Variants in CA3 observed in about 807,000 individuals in gnomAD.
The protein encoded by CA3 is carbonic anhydrase 3.
Under a neutral mutation model 35.7 loss-of-function variants are expected in CA3, and 30 were observed. The observed-to-expected ratio is 0.84, with a 90% CI of 0.63 to 1.14. CA3 has a LOEUF of 1.14. Among genes scored for constraint, CA3 ranks in the 50% most tolerant of loss-of-function variants. The pLI, the probability that CA3 is intolerant of heterozygous loss-of-function variation, is 0.00. For synonymous variants in CA3, 131 were observed against 130.8 expected (o/e 1.00, Z -0.01); for missense variants, 295 against 328.5 (o/e 0.90, Z 0.79).
rs760392025 is a variant in CA3, at chr8:85,439,893, T to C, written c.216T>C (p.Asp72=). ...AGACCTGCCGAGTTGTATTTGATGATACTTATGATAGGTCAAGTAAGTATG... is the reference window on the plus strand; with the variant it reads ...AGACCTGCCGAGTTGTATTTGATGACACTTATGATAGGTCAAGTAAGTATG... The part of the protein sequence containing the change: ...NGKTCRVVFD[D]TYDRSMLRGG... Residue 72 remains aspartate, a synonymous_variant, in exon 2 of 7, where the codon GAT becomes GAC. Transcript: ENST00000285381. 36 of 1,612,196 alleles carry C rather than the reference T, an allele frequency of 2.2e-5. No individual in the cohort carries two copies. The highest frequency in any genetic ancestry group is 1.0e-4 in the Admixed American group (6 of 60,014).
In CA3 at chr8:85,441,995, T is replaced by C. The variant is rs973270321; in HGVS notation, c.233-78T>C. ...CACATTTTGTCCATTAAGCCTTGGC[T>C]CTAAGAGCACTTGGTTAAAGTAGAG... On this transcript the variant is annotated intron_variant, in intron 2 of 6. Transcript: ENST00000285381. 6.1e-6 allele frequency: 5 copies of C among 825,610 alleles called. No individual in the cohort carries two copies. In the African/African-American group the frequency reaches 6.7e-5, roughly 11 times the overall value. 51.1% of individuals were successfully genotyped at this position (825,610 alleles called of 1,614,324 possible). A position where few individuals can be genotyped will look rare whatever the true frequency, so the allele number is the denominator to read the frequency against.
In CA3 at chr8:85,448,554, A is replaced by C. The variant is rs1329069422; in HGVS notation, c.*401A>C. 1.3e-5 allele frequency: 2 copies of C among 155,080 alleles called. No individual in the cohort carries two copies. The highest frequency in any genetic ancestry group is 2.9e-5 in the Non-Finnish European group (2 of 69,960). The allele number at this position is 155,080 out of a possible 1,614,324, so 9.6% of individuals were successfully genotyped here. A position where few individuals can be genotyped will look rare whatever the true frequency, so the allele number is the denominator to read the frequency against. On this transcript the variant is annotated 3_prime_UTR_variant, in exon 7 of 7. Transcript: ENST00000285381. The stretch of plus-strand genomic sequence containing the variant: ...ATATTATGAGTTGTCCATCTTAAAG[A>C]AATATGAGTAATTCTACATGTAGTA...
rs1353776316 is a variant in CA3 at position 85,448,933 on chromosome 8, C to T, written c.*780C>T. 1.3e-5 allele frequency: 2 copies of T among 152,146 alleles called. No homozygotes were observed. Among genetic ancestry groups the T allele is most frequent in the East Asian group, 3.8e-4 (2 of 5,198 alleles). 9.4% of individuals were successfully genotyped at this position (152,146 alleles called of 1,614,324 possible). A position where few individuals can be genotyped will look rare whatever the true frequency, so the allele number is the denominator to read the frequency against. ...AAAACTGCCTCTGTTGTGTTTCTCACTGGAGGCTGGAATGAATGATCACTA... is the reference window on the plus strand; with the variant it reads ...AAAACTGCCTCTGTTGTGTTTCTCATTGGAGGCTGGAATGAATGATCACTA... On this transcript the variant is annotated 3_prime_UTR_variant, in exon 7 of 7. Coordinates refer to ENST00000285381, the MANE Select transcript of CA3 (RefSeq NM_005181.4).
At chr8:85,443,933 G>T in intron 3 of CA3, 101 bp from the exon 4 acceptor site, 1 of 830,954 alleles carries the variant, frequency 1.2e-6, no homozygotes, top group Non-Finnish European at 2.0e-6. Flanking sequence ...AGAGTGCTCA[G>T]CAACCTTAGC....
Position 85,442,196 on chromosome 8 carries a change from G to A in CA3, c.351+5G>A, listed in dbSNP as rs186342277. ...GGAGTCAAGTATGCAGCGGAGGTAA[G>A]AGGAACTGCCATAATCCATTCTCGG... On this transcript the variant is annotated splice_donor_5th_base_variant and intron_variant, in intron 3 of 6. Transcript: ENST00000285381. The A allele has an allele frequency of 1.3e-4, 189 of 1,416,750 alleles. No homozygotes were observed. The highest frequency in any genetic ancestry group is 1.2e-3 in the African/African-American group (83 of 71,326). The allele number at this position is 1,416,750 out of a possible 1,614,324, so 87.8% of individuals were successfully genotyped here. A position where few individuals can be genotyped will look rare whatever the true frequency, so the allele number is the denominator to read the frequency against.
At chr8:85,447,253 G>A (rs953488431) in intron 6 of CA3, among the ~76,000 whole-genome samples, 4 of 151,910 alleles carry the variant, frequency 2.6e-5, no homozygotes, top group African/African-American at 9.7e-5. Context: ...AGAAAGAAAA[G>A]TCAATTTAAA....
At position 85,439,876 on chromosome 8, in the gene CA3, C is replaced by T. The variant is rs746057618; in HGVS notation, c.199C>T (p.Arg67Ter). 3 of 1,613,156 alleles carry T rather than the reference C, an allele frequency of 1.9e-6. No homozygotes were observed. Among genetic ancestry groups the T allele is most frequent in the Non-Finnish European group, 2.5e-6 (3 of 1,179,898 alleles). ...KTILNNGKTC[R>*]VVFDDTYDRS... is the part of the protein sequence containing the mutation. ...CATCCTGAATAATGGGAAGACCTGCCGAGTTGTATTTGATGATACTTATGA... is the reference window on the plus strand; with the variant it reads ...CATCCTGAATAATGGGAAGACCTGCTGAGTTGTATTTGATGATACTTATGA... Residue 67 changes from arginine (R) to a stop codon, truncating the protein, a stop_gained, in exon 2 of 7, where the codon CGA (arginine) becomes TGA (stop). Transcript: ENST00000285381. LOFTEE classifies it high-confidence loss of function.
At chr8:85,445,632 G>A (rs1365875216) in intron 5 of CA3, among the ~76,000 whole-genome samples, 3 of 152,042 alleles carry the variant, frequency 2.0e-5, no homozygotes, top group Admixed American at 6.5e-5. Context: ...TTTCTGGGAA[G>A]CACTTAAAAA....
intron 2 of CA3, among the ~76,000 whole-genome samples, chr8:85,441,401 C>T (rs935826623): frequency 6.6e-6 from 1 of 152,134 alleles, no homozygotes; most frequent in Non-Finnish European, 1.5e-5. Flanking sequence ...CTGAATTTTC[C>T]ATTTCATCTC....
chr8:85,443,684 C>T (rs1412627072), intron 3 of CA3, among the ~76,000 whole-genome samples: 1 of 152,186 alleles, frequency 6.6e-6, no homozygotes, highest in East Asian at 1.9e-4. Context: ...TTGAATAAAA[C>T]ATTTTTTAAC....
At chr8:85,439,651 T>C (rs1024921759) in intron 1 of CA3, 61 bp from the exon 2 acceptor site, 2 of 1,263,378 alleles carry the variant, frequency 1.6e-6, no homozygotes, top group Non-Finnish European at 2.3e-6. Context: ...GTTTAGTCAA[T>C]TAGAAAGAGG....
At chr8:85,446,997 A>G (rs188413525) in intron 6 of CA3, among the ~76,000 whole-genome samples, 1 of 152,222 alleles carries the variant, frequency 6.6e-6, no homozygotes, top group Admixed American at 6.5e-5. Context: ...TAGAGCATGC[A>G]TGTACTCTAA....
In CA3 at chr8:85,445,049, G is replaced by T. The variant is rs1022574943; in HGVS notation, c.445-107G>T. 23 of 655,106 alleles carry T rather than the reference G, an allele frequency of 3.5e-5. No individual in the cohort carries two copies. In the East Asian group the frequency reaches 5.9e-4, roughly 17 times the overall value. 40.6% of individuals were successfully genotyped at this position (655,106 alleles called of 1,614,324 possible). On this transcript the variant is annotated intron_variant, in intron 4 of 6. Transcript: ENST00000285381. ...TTGCTTAGTACGAGATATTCTGGCA[G>T]ATTTATAAACACTAGTTGCAGATGG... is the stretch of plus-strand genomic sequence containing the variant.
intron 4 of CA3, 130 bp downstream of exon 4, chr8:85,444,256 A>C: frequency 1.6e-6 from 1 of 640,354 alleles, no homozygotes; most frequent in Non-Finnish European, 2.7e-6. Context: ...CATTCAACTA[A>C]TCAAGATATT....
At chr8:85,446,974 G>T (rs1811301647) in intron 6 of CA3, among the ~76,000 whole-genome samples, 1 of 152,166 alleles carries the variant, frequency 6.6e-6, no homozygotes, top group South Asian at 2.1e-4. Flanking sequence ...AAACAACACA[G>T]GGACTCACAA....
Position 85,439,894 on chromosome 8 carries a change from A to G in CA3, c.217A>G (p.Thr73Ala), listed in dbSNP as rs763885369. ...GACCTGCCGAGTTGTATTTGATGAT[A>G]CTTATGATAGGTCAAGTAAGTATGA... ...GKTCRVVFDD[T>A]YDRSMLRGGP... Residue 73 changes from threonine (T) to alanine (A), a missense_variant, in exon 2 of 7, where the codon ACT becomes GCT. Thr to Ala is a moderately conservative substitution (Grantham distance 58). Coordinates refer to ENST00000285381, the MANE Select transcript of CA3 (RefSeq NM_005181.4). 36 of 1,612,064 alleles carry G rather than the reference A, an allele frequency of 2.2e-5. No homozygotes were observed. Among genetic ancestry groups the G allele is most frequent in the Admixed American group, 1.0e-4 (6 of 60,010 alleles).
chr8:85,441,248 A>G (rs1811202997), intron 2 of CA3, among the ~76,000 whole-genome samples: 1 of 152,224 alleles, frequency 6.6e-6, no homozygotes. Flanking sequence ...GGGTTTCTGC[A>G]TAGTTTCCAA....
At chr8:85,444,289 G>A (rs1307713134) in intron 4 of CA3, among the ~76,000 whole-genome samples, 163 bp downstream of exon 4, 1 of 152,116 alleles carries the variant, frequency 6.6e-6, no homozygotes, top group Non-Finnish European at 1.5e-5. Flanking sequence ...AGCTCAAAAT[G>A]TCTTACTTTT....
chr8:85,446,334 G>C (rs759359721), intron 6 of CA3, 37 bp downstream of exon 6: 6 of 1,594,110 alleles, frequency 3.8e-6, no homozygotes, highest in Non-Finnish European at 4.3e-6. Flanking sequence ...TTATGTTGCT[G>C]TCTGCCTATG....
Sources: gnomAD v4.1 joint callset for allele counts (sites outside exome capture counted in the v4.1 genomes callset) on GRCh38, gnomAD v4.1.1 for gene constraint, MANE v1.5 for transcripts, NCBI Gene and HGNC (gene_info 2026-07-23, HGNC 2026-07-21) for gene names.